Variants in PRKN observed in about 807,000 individuals in gnomAD.
The protein encoded by PRKN is E3 ubiquitin-protein ligase parkin.
In PRKN, 56 loss-of-function variants were observed where a neutral mutation model predicts 59.5. The observed-to-expected ratio is 0.94, with a 90% confidence interval of 0.76 to 1.18. The LOEUF (loss-of-function observed/expected upper bound fraction) is 1.18, where lower values mean the gene tolerates loss of function less well. PRKN is among the 50% of genes most tolerant of loss of function. PRKN has a pLI of 0.00. For synonymous variants in PRKN, 250 were observed against 222.1 expected (o/e 1.13, Z -1.12); for missense variants, 657 against 596.4 (o/e 1.10, Z -1.06).
chr6:162,303,552 AG>A (rs1935544730), intron 2 of PRKN, among the ~76,000 whole-genome samples: 1 of 152,186 alleles, frequency 6.6e-6, no homozygotes, highest in Non-Finnish European at 1.5e-5. Context: ...TGGGTATACT[AG>A]AAATGATGAG....
At chr6:161,626,083 C>T (rs1783072564) in intron 7 of PRKN, among the ~76,000 whole-genome samples, 1 of 152,182 alleles carries the variant, frequency 6.6e-6, no homozygotes. Context: ...TAAACAAATT[C>T]CTCAGAAGTT....
intron 2 of PRKN, among the ~76,000 whole-genome samples, chr6:162,324,804 G>A (rs948826844): frequency 2.0e-5 from 3 of 152,096 alleles, no homozygotes; most frequent in African/African-American, 7.2e-5. Flanking sequence ...ACTGGAATGT[G>A]TATCGGCATG....
chr6:161,730,019 T>C (rs1303837777), intron 7 of PRKN, among the ~76,000 whole-genome samples: 1 of 152,246 alleles, frequency 6.6e-6, no homozygotes, highest in Admixed American at 6.5e-5. Context: ...CTTTCTGATG[T>C]GTTGCATTCT....
rs1789168400 is a variant in PRKN at position 161,440,749 on chromosome 6, C to T, written c.1084-53872G>A. Among the ~76,000 whole-genome samples the T allele has an allele frequency of 6.6e-6, 1 of 152,176 alleles. No homozygotes were observed. The highest frequency in any genetic ancestry group is 1.5e-5 in the Non-Finnish European group (1 of 68,030). ...GATATTTCCAATGCCACCTGAAGGT[C>T]CTGAGAGCTCCCTGACATCATTCAG... On this transcript the variant is annotated intron_variant, in intron 9 of 11. Transcript: ENST00000366898. This position sits in a 1 kb window ranked among gnomAD's most constrained non-coding sequence, Gnocchi z 4.1.
At position 162,386,576 on chromosome 6, in the gene PRKN, T is replaced by G. The variant is rs560388420; in HGVS notation, c.171+56734A>C. Among the ~76,000 whole-genome samples, 36 of 152,308 alleles carry G rather than the reference T, an allele frequency of 2.4e-4. No individual in the cohort carries two copies. In the East Asian group the frequency reaches 6.8e-3, roughly 29 times the overall value. On this transcript the variant is annotated intron_variant, in intron 2 of 11. Coordinates refer to ENST00000366898, the MANE Select transcript of PRKN (RefSeq NM_004562.3). ...CTTGGTGTTCCCTGGACTCCCAGAATGGTTTGGGTCCAGCACTGGGCTGGC... is the reference window on the plus strand; with the variant it reads ...CTTGGTGTTCCCTGGACTCCCAGAAGGGTTTGGGTCCAGCACTGGGCTGGC...
chr6:162,277,668 G>A (rs1780694306), intron 2 of PRKN, among the ~76,000 whole-genome samples: 1 of 152,114 alleles, frequency 6.6e-6, no homozygotes, highest in Non-Finnish European at 1.5e-5. Flanking sequence ...AGAAGATACA[G>A]AGATGGCAAA....
intron 6 of PRKN, among the ~76,000 whole-genome samples, chr6:161,908,265 C>T (rs966059220): frequency 7.2e-5 from 11 of 152,148 alleles, no homozygotes; most frequent in Non-Finnish European, 8.8e-5. Flanking sequence ...GGTACATGGA[C>T]GATACCTAGA....
At chr6:162,345,050 CCT>C (rs1255187704) in intron 2 of PRKN, among the ~76,000 whole-genome samples, 1 of 152,182 alleles carries the variant, frequency 6.6e-6, no homozygotes, top group East Asian at 1.9e-4. Flanking sequence ...TGTTCAGAAA[CCT>C]CTTTCTGTGC....
intron 1 of PRKN, among the ~76,000 whole-genome samples, chr6:162,513,874 T>A (rs1777734705): frequency 6.6e-6 from 1 of 151,904 alleles, no homozygotes; most frequent in Non-Finnish European, 1.5e-5. Context: ...GCTAACATGG[T>A]GAAACCCCAT....
Position 162,469,492 on chromosome 6 carries a change from A to ATGTGTGTG in PRKN, c.8-26027_8-26020dup, listed in dbSNP as rs376285594. On this transcript the variant is annotated intron_variant, in intron 1 of 11. Coordinates refer to ENST00000366898, the MANE Select transcript of PRKN (RefSeq NM_004562.3). ...AATGAGTGGATCAAGAAACTGTGGT[A>ATGTGTGTG]TGTGTGTGTGTGTGTATACACACAC... Among the ~76,000 whole-genome samples, 103 of 146,844 alleles carry ATGTGTGTG rather than the reference A, an allele frequency of 7.0e-4. 1 individual carries two copies. Among genetic ancestry groups the ATGTGTGTG allele is most frequent in the Middle Eastern group, 7.0e-3 (2 of 286 alleles).
intron 5 of PRKN, among the ~76,000 whole-genome samples, chr6:161,992,667 T>C (rs112451028): frequency 0.015 from 2,219 of 152,310 alleles, 32 homozygotes; most frequent in Non-Finnish European, 0.021. Context: ...CATCGGCACA[T>C]GGAACACTCT....
At chr6:161,630,956 C>G (rs749516294) in intron 7 of PRKN, among the ~76,000 whole-genome samples, 1 of 152,178 alleles carries the variant, frequency 6.6e-6, no homozygotes, top group Non-Finnish European at 1.5e-5. Flanking sequence ...AAAAACAATC[C>G]TTTAAGGGCT....
At chr6:162,339,623 C>G (rs541860019) in intron 2 of PRKN, among the ~76,000 whole-genome samples, 2 of 151,944 alleles carry the variant, frequency 1.3e-5, no homozygotes, top group Non-Finnish European at 2.9e-5. Flanking sequence ...TGGCCACCAC[C>G]CCGTCTGGGA....
intron 7 of PRKN, among the ~76,000 whole-genome samples, chr6:161,701,285 C>A (rs1786240725): frequency 6.6e-6 from 1 of 152,128 alleles, no homozygotes; most frequent in Admixed American, 6.5e-5. Context: ...AACACAGTTT[C>A]CATTGTGTGT....
intron 7 of PRKN, among the ~76,000 whole-genome samples, chr6:161,603,024 A>T (rs2128143916): frequency 6.6e-6 from 1 of 152,338 alleles, no homozygotes; most frequent in African/African-American, 2.4e-5. Context: ...CTGAACAAGA[A>T]ATATTTCCAG....
intron 2 of PRKN, among the ~76,000 whole-genome samples, chr6:162,412,210 G>A (rs1280107002): frequency 6.6e-6 from 1 of 152,140 alleles, no homozygotes; most frequent in Non-Finnish European, 1.5e-5. Flanking sequence ...GACATGCCAA[G>A]GGGCTCAAAG....
intron 2 of PRKN, among the ~76,000 whole-genome samples, chr6:162,352,237 G>C (rs1280847769): frequency 1.3e-5 from 2 of 152,142 alleles, no homozygotes; most frequent in Admixed American, 6.5e-5. Flanking sequence ...CCACCAGGGG[G>C]CCCTGAGAAC....
chr6:161,741,630 T>G (rs562330968), intron 7 of PRKN, among the ~76,000 whole-genome samples: 20 of 152,216 alleles, frequency 1.3e-4, no homozygotes, highest in South Asian at 8.3e-4. Context: ...GGATGAGGCC[T>G]GGGCAGTAAA....
At chr6:162,414,726 A>AAAAAAAAAAAAAAAAAAAGGT (rs34838356) in intron 2 of PRKN, among the ~76,000 whole-genome samples, 13 of 91,870 alleles carry the variant, frequency 1.4e-4, no homozygotes, top group Non-Finnish European at 1.7e-4. Flanking sequence ...AAAAAAAAAA[A>AAAAAAAAAAAAAAAAAAAGGT]AGTGAATCTT....
Sources: gnomAD v4.1 joint callset for allele counts (sites outside exome capture counted in the v4.1 genomes callset) on GRCh38, gnomAD v4.1.1 for gene constraint, Gnocchi (gnomAD v3.1) non-coding constraint, MANE v1.5 for transcripts, NCBI Gene and HGNC (gene_info 2026-07-23, HGNC 2026-07-21) for gene names.